Variants in TMEM132D observed in about 807,000 individuals in gnomAD.
TMEM132D encodes mature OL transmembrane protein.
In TMEM132D, 21 loss-of-function variants were observed where a neutral mutation model predicts 62.3. That is an observed-to-expected ratio of 0.34 (90% CI 0.24 to 0.49). The LOEUF is 0.49. TMEM132D is among the 20% of genes least tolerant of loss of function. The pLI is 0.99. For missense variants in TMEM132D, 1,346 were observed against 1,402.8 expected (o/e 0.96, Z 0.65); for synonymous variants, 621 against 575.6 (o/e 1.08, Z -1.13).
At chr12:129,492,466 T>A (rs189241545) in intron 3 of TMEM132D, among the ~76,000 whole-genome samples, 113 of 152,334 alleles carry the variant, frequency 7.4e-4, no homozygotes, top group African/African-American at 2.5e-3. Flanking sequence ...TTAAATACAC[T>A]AATAGCATGA....
intron 5 of TMEM132D, among the ~76,000 whole-genome samples, chr12:129,134,148 C>CTGTGTCTGTGTG (rs1258560025): frequency 8.5e-6 from 1 of 117,488 alleles, no homozygotes; most frequent in Non-Finnish European, 1.7e-5. Context: ...GTGTGTGTGT[C>CTGTGTCTGTGTG]TGTGTCTGTG....
intron 2 of TMEM132D, among the ~76,000 whole-genome samples, chr12:129,673,685 C>A (rs984433520): frequency 9.9e-5 from 15 of 152,158 alleles, no homozygotes; most frequent in African/African-American, 3.4e-4. Context: ...TTGACGATTT[C>A]TGGGTCTGCA....
chr12:129,325,578 G>A (rs1868880961), intron 4 of TMEM132D, among the ~76,000 whole-genome samples: 1 of 152,226 alleles, frequency 6.6e-6, no homozygotes. Flanking sequence ...AGAGAGGACT[G>A]TGGGCTTGGC....
intron 5 of TMEM132D, among the ~76,000 whole-genome samples, chr12:129,185,165 C>A (rs1025714852): frequency 6.6e-6 from 1 of 152,092 alleles, no homozygotes; most frequent in Non-Finnish European, 1.5e-5. Flanking sequence ...GAGAGAAGAT[C>A]CTGGAGACCA....
chr12:129,099,179 C>A (rs1027429416), intron 5 of TMEM132D, among the ~76,000 whole-genome samples: 5 of 152,174 alleles, frequency 3.3e-5, no homozygotes, highest in Non-Finnish European at 7.3e-5. Flanking sequence ...ATTTACTACC[C>A]CTCTAAAATC....
At chr12:129,508,284 G>A (rs1875399344) in intron 3 of TMEM132D, among the ~76,000 whole-genome samples, 1 of 152,088 alleles carries the variant, frequency 6.6e-6, no homozygotes, top group African/African-American at 2.4e-5. Context: ...GTGTAAGCAT[G>A]GAAGAAATAT....
chr12:129,552,190 T>C (rs1265579588), intron 2 of TMEM132D, among the ~76,000 whole-genome samples: 1 of 152,228 alleles, frequency 6.6e-6, no homozygotes, highest in Non-Finnish European at 1.5e-5. Context: ...ATACACTGTA[T>C]GTAGATCAGC....
At chr12:129,743,412 CT>C (rs1197787445) in intron 1 of TMEM132D, among the ~76,000 whole-genome samples, 1 of 152,144 alleles carries the variant, frequency 6.6e-6, no homozygotes, top group Admixed American at 6.6e-5. Context: ...TTATAAGGGG[CT>C]TTTCCCCCTT....
intron 1 of TMEM132D, among the ~76,000 whole-genome samples, chr12:129,875,285 C>T (rs963346994): frequency 1.4e-4 from 21 of 152,226 alleles, no homozygotes; most frequent in African/African-American, 3.1e-4. Context: ...CCCTAGAAAG[C>T]GCTGATGTCC....
rs529983985 is a variant in TMEM132D at position 129,338,318 on chromosome 12, G to A, written c.1116-501C>T. 3.9e-5 allele frequency among the ~76,000 whole-genome samples: 6 copies of A among 152,224 alleles called. 1 individual carries two copies. In the South Asian group the frequency reaches 1.2e-3, roughly 32 times the overall value. The stretch of plus-strand genomic sequence containing the variant: ...ACAGAATTGCACAGAAACAGGCAAC[G>A]TGTGCACAACAAACCAGGGTCAAGG... On this transcript the variant is annotated intron_variant, in intron 3 of 8. Coordinates refer to ENST00000422113, the MANE Select transcript of TMEM132D (RefSeq NM_133448.3).
chr12:129,151,123 A>C (rs571844780), intron 5 of TMEM132D, among the ~76,000 whole-genome samples: 1 of 152,190 alleles, frequency 6.6e-6, no homozygotes, highest in African/African-American at 2.4e-5. Context: ...AGAAGCTGCA[A>C]TCTCCCCAAG....
At chr12:129,168,953 G>A (rs768792210) in intron 5 of TMEM132D, among the ~76,000 whole-genome samples, 47 of 152,320 alleles carry the variant, frequency 3.1e-4, no homozygotes, top group Admixed American at 1.0e-3. Flanking sequence ...GCTAGCGGCC[G>A]ATAGAGGGAC....
intron 5 of TMEM132D, among the ~76,000 whole-genome samples, chr12:129,144,825 C>G (rs1876844347): frequency 6.6e-6 from 1 of 152,144 alleles, no homozygotes; most frequent in African/African-American, 2.4e-5. Context: ...ATCCAGCTCT[C>G]TATTGATTAT....
chr12:129,646,499 T>C (rs188545650), intron 2 of TMEM132D, among the ~76,000 whole-genome samples: 11 of 152,248 alleles, frequency 7.2e-5, no homozygotes, highest in Admixed American at 7.2e-4. Flanking sequence ...GGCTTTTGTA[T>C]TAGGGGATAT....
chr12:129,796,880 TAATA>T (rs1046178086), intron 1 of TMEM132D, among the ~76,000 whole-genome samples: 15 of 152,286 alleles, frequency 9.8e-5, no homozygotes, highest in African/African-American at 3.1e-4. Context: ...AAGTCTAAGA[TAATA>T]AATAAATAAG....
chr12:129,244,124 G>A (rs1193592890), intron 4 of TMEM132D, among the ~76,000 whole-genome samples: 4 of 152,092 alleles, frequency 2.6e-5, no homozygotes, highest in Non-Finnish European at 4.4e-5. Flanking sequence ...GGTGGCTGAC[G>A]CCTGTAATCC....
chr12:129,535,920 T>A (rs114020621), intron 2 of TMEM132D, among the ~76,000 whole-genome samples: 2 of 152,086 alleles, frequency 1.3e-5, no homozygotes, highest in Non-Finnish European at 2.9e-5. Flanking sequence ...ATTTGGATTG[T>A]GTGTAAGTCT....
In TMEM132D at chr12:129,229,779, C is replaced by CT. The variant is rs368801866; in HGVS notation, c.1300-20117dup. 8.2e-3 allele frequency among the ~76,000 whole-genome samples: 1,241 copies of CT among 152,236 alleles called. 24 individuals are homozygous for CT. The highest frequency in any genetic ancestry group is 0.028 in the African/African-American group (1,167 of 41,540). On this transcript the variant is annotated intron_variant, in intron 4 of 8. Transcript: ENST00000422113. ...GAGGCACCGAAAGTGCTTATAAGTC[C>CT]TTTTTTAACCTGCAAGCCACAGGGA... is the stretch of plus-strand genomic sequence containing the variant.
At position 129,685,472 on chromosome 12, in the gene TMEM132D, G is replaced by A. The variant is rs150208143; in HGVS notation, c.968+14338C>T. Among the ~76,000 whole-genome samples the A allele has an allele frequency of 2.6e-4, 39 of 152,356 alleles. 1 individual carries two copies. The East Asian group carries it at 7.3e-3, about 29-fold the overall frequency. ...CAGGTGCACAGAAGTCAAGAATTGA[G>A]GTTTGGGAACCTCTGCCTAGATTTC... On this transcript the variant is annotated intron_variant, in intron 2 of 8. Coordinates refer to ENST00000422113, the MANE Select transcript of TMEM132D (RefSeq NM_133448.3).
Sources: allele counts gnomAD v4.1 joint callset (sites outside exome capture counted in the v4.1 genomes callset), GRCh38; gene constraint gnomAD v4.1.1; transcripts MANE v1.5; gene names NCBI Gene and HGNC (gene_info 2026-07-23, HGNC 2026-07-21).